ANAPC1: variants seen among roughly 807,000 people sequenced by gnomAD.
ANAPC1 encodes anaphase-promoting complex subunit 1.
Under a neutral mutation model 208.0 loss-of-function variants are expected in ANAPC1, and 36 were observed. The observed-to-expected ratio is 0.17, with a 90% CI of 0.13 to 0.23. The LOEUF (loss-of-function observed/expected upper bound fraction) is 0.23, where lower values mean the gene tolerates loss of function less well. Among genes scored for constraint, ANAPC1 ranks in the 10% least tolerant of loss-of-function variants. ANAPC1 has a pLI of 1.00. For synonymous variants in ANAPC1, 378 were observed against 695.2 expected (o/e 0.54, Z 7.18); for missense variants, 942 against 2,011.6 (o/e 0.47, Z 10.17).
intron 46 of ANAPC1, among the ~76,000 whole-genome samples, chr2:111,775,515 T>C (rs1404301587): frequency 2.0e-5 from 3 of 152,282 alleles, no homozygotes; most frequent in African/African-American, 7.2e-5. Flanking sequence ...TTTAAGAGGT[T>C]TTGTTTTAAA....
At chr2:111,840,542 C>T (rs12617909) in intron 17 of ANAPC1, among the ~76,000 whole-genome samples, 28,379 of 152,018 alleles carry the variant, frequency 0.19, 2,955 homozygotes, top group Middle Eastern at 0.3. Flanking sequence ...CATGGAAACG[C>T]GAAGGGGCAT....
chr2:111,768,182 T>C lies in ANAPC1; in HGVS notation c.*1109A>G, dbSNP rs1401970703. 1.3e-5 allele frequency: 2 copies of C among 152,222 alleles called. No homozygotes were observed. Among genetic ancestry groups the C allele is most frequent in the Admixed American group, 1.3e-4 (2 of 15,280 alleles). The allele number at this position is 152,222 out of a possible 1,614,324, so 9.4% of individuals were successfully genotyped here. A position where few individuals can be genotyped will look rare whatever the true frequency, so the allele number is the denominator to read the frequency against. On this transcript the variant is annotated 3_prime_UTR_variant, in exon 48 of 48. Transcript: ENST00000341068. The stretch of plus-strand genomic sequence containing the variant: ...TCTGAACAGCAGGGAGCATTCTTCC[T>C]CCTGTGTTGGCAACTCGAAGCTGGA...
chr2:111,859,471 C>CAATAAATAAATA (rs369277541), intron 10 of ANAPC1, among the ~76,000 whole-genome samples: 1 of 151,018 alleles, frequency 6.6e-6, no homozygotes, highest in African/African-American at 2.4e-5. Context: ...AACTCTATCT[C>CAATAAATAAATA]AATAAATAAA....
chr2:111,851,919 T>C (rs2104524348), intron 13 of ANAPC1, among the ~76,000 whole-genome samples: 1 of 152,234 alleles, frequency 6.6e-6, no homozygotes, highest in African/African-American at 2.4e-5. Context: ...GCTGAAAACT[T>C]GATAAGACTA....
At chr2:111,772,654 T>G (rs1308857685) in intron 46 of ANAPC1, among the ~76,000 whole-genome samples, 179 bp from the exon 47 acceptor site, 22 of 150,768 alleles carry the variant, frequency 1.5e-4, no homozygotes, top group South Asian at 6.4e-4. Flanking sequence ...ATTGTAGAGT[T>G]TAGAGTGTTG....
At chr2:111,849,656 C>A (rs557429577) in intron 14 of ANAPC1, among the ~76,000 whole-genome samples, 2 of 152,210 alleles carry the variant, frequency 1.3e-5, no homozygotes, top group South Asian at 2.1e-4. Context: ...CCCAGCAGCA[C>A]AAAACCAATC....
rs1294900963 is a variant in ANAPC1, at chr2:111,839,608, G to A, written c.2041-1096C>T. Among the ~76,000 whole-genome samples, 3 of 152,200 alleles carry A rather than the reference G, an allele frequency of 2.0e-5. No individual in the cohort carries two copies. In the East Asian group the frequency reaches 5.8e-4, roughly 29 times the overall value. On this transcript the variant is annotated intron_variant, in intron 17 of 47. Coordinates refer to ENST00000341068, the MANE Select transcript of ANAPC1 (RefSeq NM_022662.4). ...GATATTTAAAACTGAATGTTATTGAGAGAGAAGATCTGCTTGTGAAGCGTT... is the reference window on the plus strand; with the variant it reads ...GATATTTAAAACTGAATGTTATTGAAAGAGAAGATCTGCTTGTGAAGCGTT...
At chr2:111,870,106 T>G (rs1173281918) in intron 6 of ANAPC1, among the ~76,000 whole-genome samples, 1 of 152,242 alleles carries the variant, frequency 6.6e-6, no homozygotes, top group Non-Finnish European at 1.5e-5. Flanking sequence ...TTTTCTTTAT[T>G]CACTCATTGG....
intron 37 of ANAPC1, 148 bp downstream of exon 37, chr2:111,793,930 T>C: frequency 2.1e-6 from 1 of 483,362 alleles, no homozygotes; most frequent in South Asian, 3.7e-5. Context: ...AAAACAAAAA[T>C]AAAAAGATGA....
At chr2:111,785,243 T>C (rs1677487217) in intron 40 of ANAPC1, 117 bp downstream of exon 40, 1 of 548,102 alleles carries the variant, frequency 1.8e-6, no homozygotes, top group Non-Finnish European at 3.4e-6. Context: ...CTTCCATTTT[T>C]ATGAAAGTTC....
chr2:111,861,333 C>A (rs145455105), intron 10 of ANAPC1, among the ~76,000 whole-genome samples: 1,708 of 152,324 alleles, frequency 0.011, 12 homozygotes, highest in Middle Eastern at 0.027. Flanking sequence ...GCCTCAGCCT[C>A]CCAAAGTGAG....
At chr2:111,864,298 C>A (rs1682264667) in intron 8 of ANAPC1, among the ~76,000 whole-genome samples, 1 of 149,320 alleles carries the variant, frequency 6.7e-6, no homozygotes. Flanking sequence ...TATACTTCAG[C>A]CTGGGTGACA....
intron 3 of ANAPC1, 90 bp from the exon 4 acceptor site, chr2:111,873,754 T>C: frequency 7.1e-7 from 1 of 1,413,474 alleles, no homozygotes; most frequent in Non-Finnish European, 9.4e-7. Flanking sequence ...TAATAGCATC[T>C]ACGTAATAAC....
At chr2:111,766,587 T>C (rs1676478236), downstream of ANAPC1, 3 of 213,028 alleles carry the variant, frequency 1.4e-5, no homozygotes, top group East Asian at 1.3e-4. Flanking sequence ...CAGTGAGACA[T>C]TCCCCCCCAA....
At chr2:111,873,500 G>A in intron 4 of ANAPC1, 92 bp from the exon 5 acceptor site, 1 of 1,503,006 alleles carries the variant, frequency 6.7e-7, no homozygotes, top group Non-Finnish European at 8.9e-7. Flanking sequence ...ACAATATAAA[G>A]ATGCTTATGG....
intron 6 of ANAPC1, 98 bp from the exon 7 acceptor site, chr2:111,868,194 A>T: frequency 3.0e-6 from 2 of 671,634 alleles, no homozygotes; most frequent in East Asian, 2.9e-5. Flanking sequence ...TTACATGAGC[A>T]ACTAGAAACC....
intron 1 of ANAPC1, among the ~76,000 whole-genome samples, chr2:111,882,264 T>C (rs1266898636): frequency 6.6e-6 from 1 of 152,006 alleles, no homozygotes; most frequent in Non-Finnish European, 1.5e-5. Flanking sequence ...CTCAGTCTCC[T>C]AGTTCGGTGG....
At position 111,769,215 on chromosome 2, in the gene ANAPC1, T is replaced by C. The variant is rs1676585721; in HGVS notation, c.*76A>G. On this transcript the variant is annotated 3_prime_UTR_variant, in exon 48 of 48. Transcript: ENST00000341068. ...GTTATACCATAAAACTTTATAAACA[T>C]TGCTTTAGCTTTGATGTTTGGTCAC... is the stretch of plus-strand genomic sequence containing the variant. 9 of 1,584,716 alleles carry C rather than the reference T, an allele frequency of 5.7e-6. No homozygotes were observed. The highest frequency in any genetic ancestry group is 3.5e-5 in the Admixed American group (2 of 56,516).
intron 17 of ANAPC1, 146 bp downstream of exon 17, chr2:111,843,266 A>G (rs1680866609): frequency 2.8e-6 from 2 of 716,628 alleles, no homozygotes; most frequent in Non-Finnish European, 2.2e-6. Flanking sequence ...GATTTTATTT[A>G]CAATATATAG....
Sources: gnomAD v4.1 joint callset for allele counts (sites outside exome capture counted in the v4.1 genomes callset) on GRCh38, gnomAD v4.1.1 for gene constraint, MANE v1.5 for transcripts, NCBI Gene and HGNC (gene_info 2026-07-23, HGNC 2026-07-21) for gene names.